Variants in CEP112 observed in about 807,000 individuals in gnomAD.
The protein encoded by CEP112 is centrosomal protein of 112 kDa.
CEP112 carries 127 observed loss-of-function variants against 153.0 expected under a neutral mutation model. The observed-to-expected ratio is 0.83, with a 90% CI of 0.72 to 0.96. CEP112 has a LOEUF of 0.96. CEP112 is among the 40% of genes least tolerant of loss of function. The pLI, the probability that CEP112 is intolerant of heterozygous loss-of-function variation, is 0.00. For synonymous variants in CEP112, 358 were observed against 374.4 expected, an observed-to-expected ratio of 0.96 and a Z score of 0.51; for missense variants, 1,089 against 1,101.2, an observed-to-expected ratio of 0.99 and a Z score of 0.16.
At chr17:65,942,727 T>G (rs901277203) in intron 18 of CEP112, among the ~76,000 whole-genome samples, 1 of 152,214 alleles carries the variant, frequency 6.6e-6, no homozygotes, top group Non-Finnish European at 1.5e-5. Context: ...GTTTTAAAAC[T>G]GTGTCTCATG....
At chr17:66,184,450 C>T (rs1200919974) in intron 1 of CEP112, among the ~76,000 whole-genome samples, 1 of 151,980 alleles carries the variant, frequency 6.6e-6, no homozygotes, top group Non-Finnish European at 1.5e-5. Context: ...CAAACTACCC[C>T]GATAATCAGC....
chr17:65,971,596 CATATTGTGTGCATATT>C (rs1342910422), intron 17 of CEP112, among the ~76,000 whole-genome samples: 2,599 of 59,108 alleles, frequency 0.044, 89 homozygotes, highest in African/African-American at 0.095. Flanking sequence ...TACATGCATG[CATATTGTGTGCATATT>C]ATATGTATAT....
At chr17:66,021,498 C>G (rs1434706397) in intron 16 of CEP112, among the ~76,000 whole-genome samples, 1 of 152,144 alleles carries the variant, frequency 6.6e-6, no homozygotes, top group South Asian at 2.1e-4. Context: ...AAAAACTGCA[C>G]GTAACATTTC....
At chr17:65,910,919 A>ATT (rs138479592) in intron 19 of CEP112, among the ~76,000 whole-genome samples, 153 of 152,338 alleles carry the variant, frequency 1.0e-3, no homozygotes, top group African/African-American at 3.6e-3. Context: ...TTGAAACAAA[A>ATT]AAACACTTGG....
At chr17:66,147,555 A>G (rs1183395818) in intron 4 of CEP112, among the ~76,000 whole-genome samples, 1 of 151,814 alleles carries the variant, frequency 6.6e-6, no homozygotes, top group African/African-American at 2.4e-5. Flanking sequence ...TTGTCTGTAT[A>G]TTTGGCCTCA....
chr17:65,842,156 T>G (rs1331302305), intron 21 of CEP112, among the ~76,000 whole-genome samples: 3 of 152,028 alleles, frequency 2.0e-5, no homozygotes, highest in Admixed American at 1.3e-4. Context: ...AATACAGAAC[T>G]CCAATTTTTA....
chr17:65,894,724 T>G (rs982585401), intron 20 of CEP112, among the ~76,000 whole-genome samples: 3 of 152,120 alleles, frequency 2.0e-5, no homozygotes, highest in Non-Finnish European at 4.4e-5. Context: ...TGGTGGATTC[T>G]TACTCTGGGC....
intron 24 of CEP112, among the ~76,000 whole-genome samples, chr17:65,649,717 C>A (rs1283372382): frequency 3.2e-3 from 362 of 114,374 alleles, no homozygotes; most frequent in Non-Finnish European, 3.3e-3. Context: ...GACCCTGTCT[C>A]AAAAAAAAAA....
intron 17 of CEP112, among the ~76,000 whole-genome samples, chr17:65,994,227 T>C (rs1466520826): frequency 3.3e-5 from 5 of 152,314 alleles, no homozygotes; most frequent in Middle Eastern, 3.4e-3. Flanking sequence ...TCTAGAAATG[T>C]CACCATGCAC....
At chr17:65,933,610 G>A (rs999562437) in intron 18 of CEP112, among the ~76,000 whole-genome samples, 2 of 152,166 alleles carry the variant, frequency 1.3e-5, no homozygotes, top group Non-Finnish European at 2.9e-5. Context: ...AAATAAGAGA[G>A]AAGTAAAATC....
chr17:65,992,603 C>A (rs910022422), intron 17 of CEP112, among the ~76,000 whole-genome samples: 1 of 152,154 alleles, frequency 6.6e-6, no homozygotes, highest in African/African-American at 2.4e-5. Flanking sequence ...GAATTAGGTA[C>A]AGAAATCTTT....
Position 66,014,392 on chromosome 17 carries a change from G to A in CEP112, c.1657-8623C>T, listed in dbSNP as rs570591804. On this transcript the variant is annotated intron_variant, in intron 16 of 26. Coordinates refer to ENST00000535342, the MANE Select transcript of CEP112 (RefSeq NM_001199165.4). ...TCCCAGGAGAGGCCAGCCGATGGGA[G>A]AGTTCAGGTAAGACTGGCCCCATCT... Among the ~76,000 whole-genome samples the A allele has an allele frequency of 2.0e-4, 31 of 152,328 alleles. No individual in the cohort carries two copies. In the South Asian group the frequency reaches 3.3e-3, roughly 16 times the overall value.
intron 21 of CEP112, among the ~76,000 whole-genome samples, chr17:65,841,728 T>C (rs1299406832): frequency 6.6e-6 from 1 of 152,068 alleles, no homozygotes; most frequent in African/African-American, 2.4e-5. Flanking sequence ...CACAACACTT[T>C]GCAAGAATGT....
At chr17:65,866,560 G>T (rs2058493051) in intron 20 of CEP112, among the ~76,000 whole-genome samples, 1 of 152,182 alleles carries the variant, frequency 6.6e-6, no homozygotes, top group Admixed American at 6.5e-5. Flanking sequence ...AACCTGTGGT[G>T]CTTTTTCTCG....
chr17:65,849,892 G>A (rs530444429), intron 21 of CEP112, among the ~76,000 whole-genome samples: 2 of 152,192 alleles, frequency 1.3e-5, no homozygotes, highest in East Asian at 1.9e-4. Context: ...GGTGGCTTAC[G>A]CCTGTAATCC....
At chr17:65,683,210 G>A (rs765746401) in intron 24 of CEP112, among the ~76,000 whole-genome samples, 8 of 152,196 alleles carry the variant, frequency 5.3e-5, no homozygotes, top group East Asian at 1.9e-4. Flanking sequence ...CATGGAGACC[G>A]TCTTTGGTCA....
At chr17:66,018,220 CATAAT>C (rs770692616) in intron 16 of CEP112, among the ~76,000 whole-genome samples, 11 of 152,188 alleles carry the variant, frequency 7.2e-5, no homozygotes, top group Admixed American at 2.0e-4. Context: ...GTCAAGGATA[CATAAT>C]ATATTTTCAA....
At chr17:66,024,111 C>T (rs1338078296) in intron 16 of CEP112, among the ~76,000 whole-genome samples, 2 of 152,060 alleles carry the variant, frequency 1.3e-5, no homozygotes, top group African/African-American at 4.8e-5. Context: ...TTTGTTAAAA[C>T]TGACCGCACC....
At chr17:65,747,742 G>C (rs1259109778) in intron 22 of CEP112, among the ~76,000 whole-genome samples, 1 of 152,176 alleles carries the variant, frequency 6.6e-6, no homozygotes, top group Non-Finnish European at 1.5e-5. Flanking sequence ...GAGGGTGAGT[G>C]CTGCAGATCT....
Sources: allele counts gnomAD v4.1 joint callset (sites outside exome capture counted in the v4.1 genomes callset), GRCh38; gene constraint gnomAD v4.1.1; transcripts MANE v1.5; gene names NCBI Gene and HGNC (gene_info 2026-07-23, HGNC 2026-07-21).